The following ATP13A4 variants were observed in gnomAD, a reference collection of about 807,000 sequenced individuals.
ATP13A4 encodes probable cation-transporting ATPase 13A4.
Under a neutral mutation model 142.5 loss-of-function variants are expected in ATP13A4, and 114 were observed. The observed-to-expected ratio is 0.80, with a 90% CI of 0.69 to 0.93. The LOEUF (loss-of-function observed/expected upper bound fraction) is 0.93, where lower values mean the gene tolerates loss of function less well. Among genes scored for constraint, ATP13A4 ranks in the 40% least tolerant of loss-of-function variants. The pLI is 0.00. For missense variants in ATP13A4, 1,392 were observed against 1,454.0 expected, an observed-to-expected ratio of 0.96 and a Z score of 0.69; for synonymous variants, 488 against 514.8, an observed-to-expected ratio of 0.95 and a Z score of 0.70.
At chr3:193,532,671 A>G (rs1722396895) in intron 1 of ATP13A4, among the ~76,000 whole-genome samples, 1 of 151,974 alleles carries the variant, frequency 6.6e-6, no homozygotes, top group Non-Finnish European at 1.5e-5. Context: ...AATGTTCATA[A>G]TTTTTGATGC....
Position 193,580,817 on chromosome 3 carries a change from T to C in ATP13A4, n.291+890A>G, listed in dbSNP as rs574958454. Among the ~76,000 whole-genome samples the C allele has an allele frequency of 1.1e-3, 168 of 152,176 alleles. 1 individual carries two copies. Among genetic ancestry groups the C allele is most frequent in the African/African-American group, 3.8e-3 (159 of 41,532 alleles). On this transcript the variant is annotated intron_variant and non_coding_transcript_variant, in intron 2 of 3. Transcript: ENST00000489140. ...ATAAATTGTAAGAGGCATAGAAACT[T>C]CAAAACAGAAAGAAAAAACTAAATT... is the stretch of plus-strand genomic sequence containing the variant.
In ATP13A4 at chr3:193,410,894, T is replaced by C. The variant is rs1042226689; in HGVS notation, c.3297+88A>G. 6.9e-6 allele frequency: 6 copies of C among 874,972 alleles called. No homozygotes were observed. In the African/African-American group the frequency reaches 8.3e-5, roughly 12 times the overall value. The allele number at this position is 874,972 out of a possible 1,614,324, so 54.2% of individuals were successfully genotyped here. On this transcript the variant is annotated intron_variant, in intron 28 of 29. Transcript: ENST00000342695. ...CCAAAAGAATAATTTGTGTCAAAAA[T>C]CATGTCAATTGAAATTGTGATCTGC...
intron 29 of ATP13A4, among the ~76,000 whole-genome samples, chr3:193,404,961 G>A (rs559805093): frequency 1.3e-5 from 2 of 152,250 alleles, no homozygotes; most frequent in African/African-American, 2.4e-5. Context: ...AAAGGTGGGG[G>A]CAATTAAAGC....
chr3:193,400,742 G>A lies in ATP13A4; in HGVS notation c.*1910C>T, dbSNP rs1251104393. Among the ~76,000 whole-genome samples the A allele has an allele frequency of 6.6e-6, 1 of 152,164 alleles. No homozygotes were observed. The highest frequency in any genetic ancestry group is 2.4e-5 in the African/African-American group (1 of 41,436). ...TTGGTACCATTCAGGTGAGTTAGTG[G>A]AGGTGAATGCACTTAGCAAAGGGCA... is the stretch of plus-strand genomic sequence containing the variant. On this transcript the variant is annotated 3_prime_UTR_variant, in exon 30 of 30. Coordinates refer to ENST00000342695, the MANE Select transcript of ATP13A4 (RefSeq NM_032279.4).
At chr3:193,516,743 T>TA in intron 1 of ATP13A4, among the ~76,000 whole-genome samples, 1 of 152,344 alleles carries the variant, frequency 6.6e-6, no homozygotes, top group Middle Eastern at 3.4e-3. Flanking sequence ...ATGCCTGAGT[T>TA]ACTCGGTTCT....
At chr3:193,558,351 G>A (rs1180035372), upstream of ATP13A4, among the ~76,000 whole-genome samples, 1 of 152,202 alleles carries the variant, frequency 6.6e-6, no homozygotes, top group African/African-American at 2.4e-5. Flanking sequence ...ATGTGGCGTA[G>A]TAAGAATGGC....
chr3:193,531,938 T>C (rs1442080050), intron 1 of ATP13A4, among the ~76,000 whole-genome samples: 1 of 152,208 alleles, frequency 6.6e-6, no homozygotes, highest in South Asian at 2.1e-4. Flanking sequence ...TATCTGGCCA[T>C]TATGAGAAAA....
chr3:193,454,273 A>G (rs1717450300), intron 16 of ATP13A4, 61 bp from the exon 17 acceptor site: 2 of 1,282,334 alleles, frequency 1.6e-6, no homozygotes, highest in Admixed American at 3.4e-5. Context: ...ACTGGCAAAG[A>G]AATTCTTTAC....
chr3:193,453,809 G>A (rs917669011), intron 17 of ATP13A4, among the ~76,000 whole-genome samples: 35 of 151,974 alleles, frequency 2.3e-4, no homozygotes, highest in African/African-American at 8.2e-4. Flanking sequence ...TTCTATGTCT[G>A]TTTTCACAAA....
chr3:193,460,971 C>T (rs1254719962), intron 13 of ATP13A4, among the ~76,000 whole-genome samples: 2 of 152,190 alleles, frequency 1.3e-5, no homozygotes, highest in African/African-American at 4.8e-5. Flanking sequence ...AAGTCAGGTG[C>T]TCACTTCTTA....
intron 2 of ATP13A4, among the ~76,000 whole-genome samples, chr3:193,503,931 T>C (rs1720702339): frequency 6.6e-6 from 1 of 151,846 alleles, no homozygotes; most frequent in African/African-American, 2.4e-5. Flanking sequence ...TCTTGGACTA[T>C]GGGTAGGAAT....
chr3:193,470,853 C>G lies in ATP13A4; in HGVS notation c.943+6G>C. The stretch of plus-strand genomic sequence containing the variant: ...GAGGTTGTCAGCTGTGGAGATGGAA[C>G]TGTACCTGTCAGCATGCCTTCATCC... On this transcript the variant is annotated splice_donor_region_variant and intron_variant, in intron 9 of 29. Coordinates refer to ENST00000342695, the MANE Select transcript of ATP13A4 (RefSeq NM_032279.4). 1 of 1,614,002 alleles carries G rather than the reference C, an allele frequency of 6.2e-7. No homozygotes were observed. The highest frequency in any genetic ancestry group is 8.5e-7 in the Non-Finnish European group (1 of 1,180,026).
chr3:193,531,288 GAGGGAGGGAGGAAGGA>G (rs1722303301), intron 1 of ATP13A4, among the ~76,000 whole-genome samples: 1 of 113,152 alleles, frequency 8.8e-6, no homozygotes, highest in Non-Finnish European at 1.9e-5. Flanking sequence ...GGGAGGGAGG[GAGGGAGGGAGGAAGGA>G]AGGAAGGAAG....
At chr3:193,496,058 C>T (rs1203036071) in intron 3 of ATP13A4, among the ~76,000 whole-genome samples, 2 of 152,062 alleles carry the variant, frequency 1.3e-5, no homozygotes, top group Non-Finnish European at 2.9e-5. Flanking sequence ...AACATTATTG[C>T]AAGAAATTGA....
chr3:193,484,413 T>C (rs951531223), intron 7 of ATP13A4, among the ~76,000 whole-genome samples: 1 of 152,054 alleles, frequency 6.6e-6, no homozygotes, highest in Non-Finnish European at 1.5e-5. Flanking sequence ...ATACATGAAA[T>C]ATGTGGGATA....
intron 6 of ATP13A4, among the ~76,000 whole-genome samples, chr3:193,490,208 C>G (rs1719872357): frequency 3.3e-5 from 5 of 152,198 alleles, no homozygotes; most frequent in Admixed American, 3.3e-4. Context: ...CCCCAGAGCA[C>G]TTACTTTTAA....
intron 2 of ATP13A4, among the ~76,000 whole-genome samples, chr3:193,564,802 C>A (rs1484277126): frequency 4.6e-5 from 7 of 152,158 alleles, no homozygotes; most frequent in African/African-American, 1.7e-4. Flanking sequence ...AGCAAAGTTT[C>A]ATCTGTATTT....
Position 193,427,759 on chromosome 3 carries a change from C to T in ATP13A4, c.2842+6086G>A, listed in dbSNP as rs1229105971. 2.0e-5 allele frequency among the ~76,000 whole-genome samples: 3 copies of T among 152,218 alleles called. No homozygotes were observed. The South Asian group carries it at 6.2e-4, about 32-fold the overall frequency. On this transcript the variant is annotated intron_variant, in intron 25 of 29. Coordinates refer to ENST00000342695, the MANE Select transcript of ATP13A4 (RefSeq NM_032279.4). Reference sequence around the variant, plus strand: ...CATATGTAGAAAGCTGAAACTGGATCCCTTCCTTACACCTTATACAAAAAT... The same window carrying T: ...CATATGTAGAAAGCTGAAACTGGATTCCTTCCTTACACCTTATACAAAAAT...
At chr3:193,504,536 G>A (rs918844753) in intron 2 of ATP13A4, among the ~76,000 whole-genome samples, 9 of 152,242 alleles carry the variant, frequency 5.9e-5, no homozygotes, top group African/African-American at 1.9e-4. Flanking sequence ...AGTTGGCAAG[G>A]AAAGAAAGAC....
Sources: allele counts gnomAD v4.1 joint callset (sites outside exome capture counted in the v4.1 genomes callset), GRCh38; gene constraint gnomAD v4.1.1; transcripts MANE v1.5; gene names NCBI Gene and HGNC (gene_info 2026-07-23, HGNC 2026-07-21).